Variants in MSRA observed in about 807,000 individuals in gnomAD.
MSRA encodes mitochondrial peptide methionine sulfoxide reductase.
Under a neutral mutation model 31.3 loss-of-function variants are expected in MSRA, and 54 were observed. The observed-to-expected ratio is 1.73, with a 90% CI of 1.39 to 2.17. The LOEUF is 2.17. Among genes scored for constraint, MSRA ranks in the 30% most tolerant of loss-of-function variants. The pLI is 0.00. For missense variants in MSRA, 507 were observed against 300.9 expected (o/e 1.69, Z -5.07); for synonymous variants, 169 against 116.5 (o/e 1.45, Z -2.90).
intron 1 of MSRA, among the ~76,000 whole-genome samples, chr8:10,128,688 A>G (rs976108257): frequency 1.3e-5 from 2 of 152,246 alleles, no homozygotes; most frequent in African/African-American, 4.8e-5. Context: ...GTGAGTCTCC[A>G]GAACGGACAG....
intron 3 of MSRA, among the ~76,000 whole-genome samples, chr8:10,294,128 G>C (rs892556338): frequency 6.6e-6 from 1 of 152,164 alleles, no homozygotes; most frequent in African/African-American, 2.4e-5. Flanking sequence ...TTGAACCTGG[G>C]AGGTGGAGGT....
chr8:10,257,437 G>A (rs1018309079), intron 3 of MSRA, among the ~76,000 whole-genome samples: 12 of 152,150 alleles, frequency 7.9e-5, no homozygotes, highest in East Asian at 3.9e-4. Context: ...ATGGAGTTTC[G>A]CTCTTGTTGC....
intron 5 of MSRA, among the ~76,000 whole-genome samples, chr8:10,377,461 A>G (rs1805819801): frequency 6.6e-6 from 1 of 152,224 alleles, no homozygotes; most frequent in Admixed American, 6.5e-5. Context: ...GCTAGAAGGC[A>G]GAGCTTCTCT....
At chr8:10,165,404 A>C (rs1043972577) in intron 1 of MSRA, among the ~76,000 whole-genome samples, 21 of 152,200 alleles carry the variant, frequency 1.4e-4, no homozygotes, top group African/African-American at 4.6e-4. Context: ...TTAAAAACCC[A>C]AGCTTAGGCC....
At chr8:10,222,959 A>T (rs1222160496) in intron 2 of MSRA, among the ~76,000 whole-genome samples, 2 of 152,192 alleles carry the variant, frequency 1.3e-5, no homozygotes, top group Admixed American at 1.3e-4. Context: ...GTAGATTTTA[A>T]ATGTTCTCAC....
chr8:10,190,949 G>T (rs1053668609), intron 1 of MSRA, among the ~76,000 whole-genome samples: 1 of 152,160 alleles, frequency 6.6e-6, no homozygotes, highest in Non-Finnish European at 1.5e-5. Context: ...CAGTAAACTA[G>T]GGCCATGACT....
intron 3 of MSRA, among the ~76,000 whole-genome samples, chr8:10,280,747 T>C (rs1041491192): frequency 6.6e-6 from 1 of 152,234 alleles, no homozygotes; most frequent in Non-Finnish European, 1.5e-5. Context: ...TATTTGACTA[T>C]TCATAATAGC....
chr8:10,341,392 C>T (rs1563371009), intron 5 of MSRA, among the ~76,000 whole-genome samples: 1 of 152,130 alleles, frequency 6.6e-6, no homozygotes. Flanking sequence ...ACCAGATCTC[C>T]TGTGCACTTA....
intron 1 of MSRA, among the ~76,000 whole-genome samples, chr8:10,174,650 CAGCCT>C (rs1805878969): frequency 6.6e-6 from 1 of 152,054 alleles, no homozygotes; most frequent in Non-Finnish European, 1.5e-5. Context: ...GCAGACTCCC[CAGCCT>C]GTCTGCAGTC....
intron 1 of MSRA, among the ~76,000 whole-genome samples, chr8:10,173,801 T>A (rs1453372493): frequency 6.6e-6 from 1 of 152,222 alleles, no homozygotes; most frequent in African/African-American, 2.4e-5. Context: ...CTGTCCCATC[T>A]TAGGCATTTG....
chr8:10,207,951 G>C, intron 2 of MSRA, 50 bp downstream of exon 2: 1 of 1,482,494 alleles, frequency 6.7e-7, no homozygotes, highest in Non-Finnish European at 9.3e-7. Context: ...AAAGACTAGT[G>C]CCAAATTTCT....
chr8:10,408,997 C>T (rs184673744), intron 5 of MSRA, among the ~76,000 whole-genome samples: 2 of 152,188 alleles, frequency 1.3e-5, no homozygotes, highest in Non-Finnish European at 2.9e-5. Flanking sequence ...ATTCCATATC[C>T]TTGCTGCAGT....
rs904733033 is a variant in MSRA at position 10,232,618 on chromosome 8, G to A, written c.212-12486G>A. 3.3e-5 allele frequency among the ~76,000 whole-genome samples: 5 copies of A among 152,156 alleles called. No individual in the cohort carries two copies. The East Asian group carries it at 7.7e-4, about 23-fold the overall frequency. On this transcript the variant is annotated intron_variant, in intron 2 of 5. Transcript: ENST00000317173. Reference sequence around the variant, plus strand: ...CAATGTGTTTGGAAAAGGGCTTTATGAAAATTTGAACTTTCTTTAAGGTTC... The same window carrying A: ...CAATGTGTTTGGAAAAGGGCTTTATAAAAATTTGAACTTTCTTTAAGGTTC...
At chr8:10,426,318 G>T (rs1490703675) in intron 5 of MSRA, among the ~76,000 whole-genome samples, 1 of 152,168 alleles carries the variant, frequency 6.6e-6, no homozygotes, top group Non-Finnish European at 1.5e-5. Context: ...GAAGGAATTC[G>T]GTGTTTACAG....
chr8:10,269,255 C>G (rs1483769023), intron 3 of MSRA, among the ~76,000 whole-genome samples: 2 of 152,240 alleles, frequency 1.3e-5, no homozygotes, highest in African/African-American at 4.8e-5. Context: ...TCTCAGTTTT[C>G]TGAATCATTT....
chr8:10,099,522 C>T (rs945664327), intron 1 of MSRA, among the ~76,000 whole-genome samples: 30 of 152,162 alleles, frequency 2.0e-4, no homozygotes, highest in African/African-American at 7.2e-4. Context: ...CCATGCTGGG[C>T]GCAGGGACTG....
intron 1 of MSRA, among the ~76,000 whole-genome samples, chr8:10,141,347 G>C (rs907787016): frequency 3.9e-5 from 6 of 152,320 alleles, no homozygotes; most frequent in African/African-American, 1.4e-4. Context: ...TCCATGACTT[G>C]TGTGATAGCA....
chr8:10,316,135 A>G (rs578002781), intron 4 of MSRA, among the ~76,000 whole-genome samples: 139 of 152,290 alleles, frequency 9.1e-4, no homozygotes, highest in Middle Eastern at 3.4e-3. Context: ...TGCAAAGAAC[A>G]TTGTGCAGGT....
At chr8:10,387,320 G>A (rs1226474387) in intron 5 of MSRA, among the ~76,000 whole-genome samples, 2 of 152,200 alleles carry the variant, frequency 1.3e-5, no homozygotes, top group Non-Finnish European at 2.9e-5. Flanking sequence ...TAGGGGTGAA[G>A]GGAATTTTTT....
Sources: allele counts gnomAD v4.1 joint callset (sites outside exome capture counted in the v4.1 genomes callset), GRCh38; gene constraint gnomAD v4.1.1; transcripts MANE v1.5; gene names NCBI Gene and HGNC (gene_info 2026-07-23, HGNC 2026-07-21).